The following CHD5 variants were observed in gnomAD, a reference collection of about 807,000 sequenced individuals.
The protein encoded by CHD5 is ATP-dependent chromatin remodeler CHD5.
A neutral mutation model predicts 230.3 loss-of-function variants in CHD5; 69 were observed. That is an observed-to-expected ratio of 0.30 (90% confidence interval 0.25 to 0.37). The LOEUF (loss-of-function observed/expected upper bound fraction) is 0.37, where lower values mean the gene tolerates loss of function less well. Ranked by LOEUF, CHD5 falls within the 10% of genes least tolerant of loss-of-function variation. The pLI is 1.00. For synonymous variants in CHD5, 1,064 were observed against 1,065.9 expected (o/e 1.00, Z 0.03); for missense variants, 1,827 against 2,622.8 (o/e 0.70, Z 6.63).
Position 6,121,624 on chromosome 1 carries a change from G to A in CHD5, c.4700-51C>T, listed in dbSNP as rs1236010257. The A allele has an allele frequency of 3.5e-6, 5 of 1,408,734 alleles. No individual in the cohort carries two copies. Among genetic ancestry groups the A allele is most frequent in the Non-Finnish European group, 2.0e-6 (2 of 1,007,548 alleles). 87.3% of individuals were successfully genotyped at this position (1,408,734 alleles called of 1,614,324 possible). On this transcript the variant is annotated intron_variant, in intron 31 of 41. Coordinates refer to ENST00000262450, the MANE Select transcript of CHD5 (RefSeq NM_015557.3). This position sits in a 1 kb window ranked among gnomAD's most constrained non-coding sequence, Gnocchi z 4.5. The stretch of plus-strand genomic sequence containing the variant: ...GACAGGTGGGCTCAGACGGGAAGGA[G>A]TAGGGCAGGGAGTGGGGTGGCAGAG...
intron 20 of CHD5, among the ~76,000 whole-genome samples, chr1:6,132,308 G>C (rs549074419): frequency 4.6e-5 from 7 of 152,320 alleles, no homozygotes; most frequent in Admixed American, 3.9e-4. Flanking sequence ...CAGTGCACCG[G>C]AGATTTTGCC....
Position 6,125,145 on chromosome 1 carries a change from T to C in CHD5, c.4349A>G (p.His1450Arg). ...CCCTCGAAGGTCCCGCACCAGCCAG[T>C]GGGAGTTGAAGGCGTCCTGCGGGGG... is the stretch of plus-strand genomic sequence containing the variant. Reference protein sequence around the residue: ...GMPPQDAFNSHWLVRDLRGKS... With the variant: ...GMPPQDAFNSRWLVRDLRGKS... The change falls in exon 29 of 42, where the codon CAC becomes CGC. Residue 1450 changes from histidine (H) to arginine (R), a missense_variant. Transcript: ENST00000262450. The surrounding 1 kb of genome is among the most constrained non-coding windows in gnomAD (Gnocchi z 6.7). The C allele has an allele frequency of 1.2e-6, 2 of 1,605,756 alleles. No homozygotes were observed. Among genetic ancestry groups the C allele is most frequent in the Non-Finnish European group, 1.7e-6 (2 of 1,176,426 alleles).
At chr1:6,111,533 CAAAA>C in intron 36 of CHD5, among the ~76,000 whole-genome samples, 1 of 86,234 alleles carries the variant, frequency 1.2e-5, no homozygotes, top group Non-Finnish European at 2.4e-5. Context: ...AACTCTATCT[CAAAA>C]AAAAAAAAAA....
intron 13 of CHD5, among the ~76,000 whole-genome samples, chr1:6,143,079 CAG>C (rs1195964146): frequency 1.3e-5 from 2 of 150,692 alleles, no homozygotes; most frequent in Non-Finnish European, 3.0e-5. Context: ...TTTTTTGAGA[CAG>C]AGTCTTTGTT....
intron 1 of CHD5, among the ~76,000 whole-genome samples, chr1:6,172,478 C>T (rs1054423578): frequency 6.6e-6 from 1 of 152,178 alleles, no homozygotes; most frequent in East Asian, 1.9e-4. Context: ...CGCACAACCA[C>T]CACACCTGGC....
Position 6,180,029 on chromosome 1 carries a change from G to T in CHD5, c.-6C>A. 7.5e-7 allele frequency: 1 copy of T among 1,325,606 alleles called. No homozygotes were observed. 82.1% of individuals were successfully genotyped at this position (1,325,606 alleles called of 1,614,324 possible). Reference sequence around the variant, plus strand: ...GTGCCCACTGGGCCCCGCATGCCCGGCGCGGGGAGGAGGGGAGGTGGGCGC... The same window carrying T: ...GTGCCCACTGGGCCCCGCATGCCCGTCGCGGGGAGGAGGGGAGGTGGGCGC... On this transcript the variant is annotated 5_prime_UTR_variant, in exon 1 of 42. Coordinates refer to ENST00000262450, the MANE Select transcript of CHD5 (RefSeq NM_015557.3).
At position 6,128,536 on chromosome 1, in the gene CHD5, G is replaced by A. The variant is rs758399699; in HGVS notation, c.3693C>T (p.Ala1231=). ...TACCGTGCTTCTTCTTTGCACTGGC[G>A]GCCAAGTTCCCCCCTTTGGAGGACT... ...DVQSSKGGNL[A]ASAKKKHGST... The change falls in exon 24 of 42, where the codon GCC becomes GCT. Residue 1231 remains alanine (A), a synonymous_variant. Coordinates refer to ENST00000262450, the MANE Select transcript of CHD5 (RefSeq NM_015557.3). This position sits in a 1 kb window ranked among gnomAD's most constrained non-coding sequence, Gnocchi z 7.8. The A allele has an allele frequency of 1.7e-5, 27 of 1,614,012 alleles. No homozygotes were observed. The highest frequency in any genetic ancestry group is 2.2e-5 in the South Asian group (2 of 91,086).
At chr1:6,161,580 C>T (rs1043127748) in intron 2 of CHD5, among the ~76,000 whole-genome samples, 4 of 152,270 alleles carry the variant, frequency 2.6e-5, no homozygotes, top group Non-Finnish European at 5.9e-5. Context: ...GACACAGCCA[C>T]TGGCTGGGAG....
intron 38 of CHD5, among the ~76,000 whole-genome samples, chr1:6,107,493 TA>T (rs1666203494): frequency 4.0e-5 from 2 of 49,534 alleles, no homozygotes; most frequent in African/African-American, 8.5e-5. Flanking sequence ...GGATGATGGA[TA>T]GATGGAGGGA....
chr1:6,151,068 C>T lies in CHD5; in HGVS notation c.958G>A (p.Gly320Ser), dbSNP rs1667000032. ...SVRSECSAALGKKSKRRRKKK... is the reference protein window; with the variant it reads ...SVRSECSAALSKKSKRRRKKK... ...TTGCGCCTCCTCTTGCTCTTCTTGC[C>T]CAGGGCTGCAGAGCATTCGGAGCGC... The change falls in exon 7 of 42, where the codon GGC (glycine) becomes AGC (serine). Residue 320 changes from glycine to serine, a missense_variant. Physicochemically the swap from Gly to Ser is moderately conservative, Grantham distance 56 (BLOSUM62 0). Around this residue, in one of 14 missense-constraint regions of CHD5, gnomAD observed 657 missense variants for 816.4 expected, o/e 0.80. Transcript: ENST00000262450. 6.2e-7 allele frequency: 1 copy of T among 1,600,646 alleles called. No homozygotes were observed. The highest frequency in any genetic ancestry group is 8.5e-7 in the Non-Finnish European group (1 of 1,172,304).
Position 6,143,806 on chromosome 1 carries a change from C to G in CHD5, c.2043+17G>C. 2 of 1,598,598 alleles carry G rather than the reference C, an allele frequency of 1.3e-6. No homozygotes were observed. Among genetic ancestry groups the G allele is most frequent in the South Asian group, 2.2e-5 (2 of 90,732 alleles). Reference sequence around the variant, plus strand: ...CCTGGCAACCCCACCCACTGCTGCCCCACCCTCCCCACTCACGTCCACAAT... The same window carrying G: ...CCTGGCAACCCCACCCACTGCTGCCGCACCCTCCCCACTCACGTCCACAAT... On this transcript the variant is annotated intron_variant, in intron 13 of 41. Coordinates refer to ENST00000262450, the MANE Select transcript of CHD5 (RefSeq NM_015557.3).
In CHD5 at chr1:6,134,348, C is replaced by T; in HGVS notation, c.3013-89G>A. The T allele has an allele frequency of 6.8e-7, 1 of 1,473,476 alleles. No homozygotes were observed. Among genetic ancestry groups the T allele is most frequent in the Non-Finnish European group, 9.3e-7 (1 of 1,077,472 alleles). The allele number at this position is 1,473,476 out of a possible 1,614,324, so 91.3% of individuals were successfully genotyped here. On this transcript the variant is annotated intron_variant, in intron 19 of 41. Transcript: ENST00000262450. This position sits in a 1 kb window ranked among gnomAD's most constrained non-coding sequence, Gnocchi z 6.3. ...AGGGGCCGCAGGGAACAGACAAGTG[C>T]TGAGCAATGGGGTGATGGCCTGTCT...
At chr1:6,143,765 T>TCTGA in intron 13 of CHD5, 58 bp downstream of exon 13, 1 of 1,465,192 alleles carries the variant, frequency 6.8e-7, no homozygotes, top group South Asian at 1.1e-5. Context: ...CACATTCAAG[T>TCTGA]CTGAGGTGGG....
chr1:6,121,061 GCCA>G lies in CHD5; in HGVS notation c.4912+41_4912+43del. 1 of 1,535,974 alleles carries G rather than the reference GCCA, an allele frequency of 6.5e-7. No individual in the cohort carries two copies. On this transcript the variant is annotated intron_variant, in intron 33 of 41. Coordinates refer to ENST00000262450, the MANE Select transcript of CHD5 (RefSeq NM_015557.3). This position sits in a 1 kb window ranked among gnomAD's most constrained non-coding sequence, Gnocchi z 4.5. ...CTTCTCTGAACCCAGGCCTGCTGAG[GCCA>G]GACATGGCACTGGGGTGGGTGGCCT...
chr1:6,151,698 C>A (rs545026238), intron 6 of CHD5, among the ~76,000 whole-genome samples: 1 of 152,362 alleles, frequency 6.6e-6, no homozygotes, highest in East Asian at 1.9e-4. Flanking sequence ...ACTGGACCGT[C>A]AGCTCCAGGG....
In CHD5 at chr1:6,127,860, C is replaced by T. The variant is rs113471332; in HGVS notation, c.3903+186G>A. ...GAGGCCGGAGCACGTGGTTGGAGGG[C>T]GGAGCACACGCTGGAGTGCGGGGCA... is the stretch of plus-strand genomic sequence containing the variant. On this transcript the variant is annotated intron_variant, in intron 25 of 41. Coordinates refer to ENST00000262450, the MANE Select transcript of CHD5 (RefSeq NM_015557.3). 1.8e-3 allele frequency among the ~76,000 whole-genome samples: 265 copies of T among 151,400 alleles called. 2 individuals carry two copies. Among genetic ancestry groups the T allele is most frequent in the African/African-American group, 6.3e-3 (259 of 41,386 alleles).
At chr1:6,161,835 TG>T (rs1461440651) in intron 2 of CHD5, among the ~76,000 whole-genome samples, 1 of 152,152 alleles carries the variant, frequency 6.6e-6, no homozygotes, top group Admixed American at 6.5e-5. Flanking sequence ...GGACAGAGGC[TG>T]GGGCTGGCCG....
Position 6,155,449 on chromosome 1 carries a change from C to G in CHD5, c.506+150G>C. ...TCTGTTAACATGAAGGGGTCCTGCC[C>G]CCTCCCTCCAGCTCCCCCAGGTTGC... On this transcript the variant is annotated intron_variant, in intron 4 of 41. Coordinates refer to ENST00000262450, the MANE Select transcript of CHD5 (RefSeq NM_015557.3). The surrounding 1 kb of genome is among the most constrained non-coding windows in gnomAD (Gnocchi z 4.0). 4.6e-6 allele frequency: 3 copies of G among 650,438 alleles called. No individual in the cohort carries two copies. The highest frequency in any genetic ancestry group is 2.7e-5 in the East Asian group (1 of 36,846). 40.3% of individuals were successfully genotyped at this position (650,438 alleles called of 1,614,324 possible).
rs1666102309 is a variant in CHD5, at chr1:6,103,193, A to G, written c.*2281T>C. Reference sequence around the variant, plus strand: ...AAACCCGCTCTGACTCTAGTAGCCCACCCCTCCCGGGCCCCGGGGTGCTGG... The same window carrying G: ...AAACCCGCTCTGACTCTAGTAGCCCGCCCCTCCCGGGCCCCGGGGTGCTGG... On this transcript the variant is annotated 3_prime_UTR_variant, in exon 42 of 42. Coordinates refer to ENST00000262450, the MANE Select transcript of CHD5 (RefSeq NM_015557.3). 1 of 152,218 alleles carries G rather than the reference A, an allele frequency of 6.6e-6. No homozygotes were observed. The highest frequency in any genetic ancestry group is 2.4e-5 in the African/African-American group (1 of 41,318). The allele number at this position is 152,218 out of a possible 1,614,324, so 9.4% of individuals were successfully genotyped here.
Sources: allele counts gnomAD v4.1 joint callset (sites outside exome capture counted in the v4.1 genomes callset), GRCh38; gene constraint gnomAD v4.1.1; regional missense constraint gnomAD v4.1.1; non-coding constraint Gnocchi (gnomAD v3.1); transcripts MANE v1.5; gene names NCBI Gene and HGNC (gene_info 2026-07-23, HGNC 2026-07-21).